Variants in TTBK1 observed in about 807,000 individuals in gnomAD.
TTBK1 encodes tau-tubulin kinase 1.
A neutral mutation model predicts 108.5 loss-of-function variants in TTBK1; 34 were observed. The ratio of observed to expected loss-of-function variants is 0.31; its 90% CI spans 0.24 to 0.42. The LOEUF is 0.42. TTBK1 is among the 10% of genes least tolerant of loss of function. The pLI, the probability that TTBK1 is intolerant of heterozygous loss-of-function variation, is 1.00. For synonymous variants in TTBK1, 809 were observed against 795.1 expected, an observed-to-expected ratio of 1.02 and a Z score of -0.29; for missense variants, 1,539 against 1,826.0, an observed-to-expected ratio of 0.84 and a Z score of 2.86.
chr6:43,265,534 C>A lies in TTBK1; in HGVS notation c.1986+2184C>A, dbSNP rs551010973. 1.3e-5 allele frequency among the ~76,000 whole-genome samples: 2 copies of A among 152,316 alleles called. No individual in the cohort carries two copies. Among genetic ancestry groups the A allele is most frequent in the East Asian group, 3.9e-4 (2 of 5,186 alleles). ...CTGGCAGACCTGGCAGTCAAGTGGGCTGGCACCATTGCGTTGTAACTAGCC... is the reference window on the plus strand; with the variant it reads ...CTGGCAGACCTGGCAGTCAAGTGGGATGGCACCATTGCGTTGTAACTAGCC... On this transcript the variant is annotated intron_variant, in intron 13 of 14. Coordinates refer to ENST00000259750, the MANE Select transcript of TTBK1 (RefSeq NM_032538.3). This position sits in a 1 kb window ranked among gnomAD's most constrained non-coding sequence, Gnocchi z 4.1.
Position 43,253,849 on chromosome 6 carries a change from C to A in TTBK1, c.471+141C>A. On this transcript the variant is annotated intron_variant, in intron 5 of 14. Transcript: ENST00000259750. The surrounding 1 kb of genome is among the most constrained non-coding windows in gnomAD (Gnocchi z 5.8). ...GCCTCTTCTCCCCAAGCCCCTCCTGCTCTCCTTCCCAGGCCCCATCTCTTC... is the reference window on the plus strand; with the variant it reads ...GCCTCTTCTCCCCAAGCCCCTCCTGATCTCCTTCCCAGGCCCCATCTCTTC... 1 of 1,140,906 alleles carries A rather than the reference C, an allele frequency of 8.8e-7. No individual in the cohort carries two copies. Among genetic ancestry groups the A allele is most frequent in the Non-Finnish European group, 1.2e-6 (1 of 829,682 alleles). The allele number at this position is 1,140,906 out of a possible 1,614,324, so 70.7% of individuals were successfully genotyped here.
At chr6:43,252,940 A>G (rs531470507) in intron 3 of TTBK1, 54 bp downstream of exon 3, 2 of 1,595,816 alleles carry the variant, frequency 1.3e-6, no homozygotes, top group South Asian at 1.1e-5. Flanking sequence ...GCCAGGGGCT[A>G]AGAGAGGTGA....
In TTBK1 at chr6:43,257,915, G is replaced by GGACCTCTACCCCGCCCCAGCAGAA; in HGVS notation, c.965_966insGACCTCTACCCCGCCCCAGCAGAA (p.Ser322delinsArgThrSerThrProProGlnGlnAsn). On this transcript the variant is annotated protein_altering_variant, in exon 10 of 15. Transcript: ENST00000259750. The surrounding 1 kb of genome is among the most constrained non-coding windows in gnomAD (Gnocchi z 4.5). ...GGCACCGATGCCCTCCTGTCCACGA[G>GGACCTCTACCCCGCCCCAGCAGAA]CACCTCTACCCCGCCCCAGCAGAAC... 6.2e-7 allele frequency: 1 copy of GGACCTCTACCCCGCCCCAGCAGAA among 1,613,964 alleles called. No individual in the cohort carries two copies. Among genetic ancestry groups the GGACCTCTACCCCGCCCCAGCAGAA allele is most frequent in the Non-Finnish European group, 8.5e-7 (1 of 1,180,010 alleles).
chr6:43,249,625 C>CGAGT (rs1366630631), intron 2 of TTBK1, among the ~76,000 whole-genome samples: 2 of 151,586 alleles, frequency 1.3e-5, no homozygotes, highest in Non-Finnish European at 2.9e-5. Context: ...CGCCCAGGCT[C>CGAGT]GAGTGCAGTG....
chr6:43,266,305 T>C (rs753759778), intron 13 of TTBK1, among the ~76,000 whole-genome samples: 2 of 152,234 alleles, frequency 1.3e-5, no homozygotes, highest in Admixed American at 6.5e-5. Context: ...TCTGCAAGTG[T>C]GTACAGAACC....
chr6:43,266,468 T>G (rs1777678317), intron 13 of TTBK1, among the ~76,000 whole-genome samples: 3 of 152,244 alleles, frequency 2.0e-5, no homozygotes. Flanking sequence ...ATCCTGATTT[T>G]AAAAGTAAGA....
chr6:43,282,999 GGAGGAA>G lies in TTBK1; in HGVS notation c.2271_2276del (p.Glu770_Glu771del), dbSNP rs746941763. 2.1e-5 allele frequency: 33 copies of G among 1,599,870 alleles called. No homozygotes were observed. Among genetic ancestry groups the G allele is most frequent in the South Asian group, 6.7e-5 (6 of 89,720 alleles). On this transcript the variant is annotated inframe_deletion, in exon 14 of 15. Transcript: ENST00000259750. The surrounding 1 kb of genome is among the most constrained non-coding windows in gnomAD (Gnocchi z 5.4). ...AAGAAGAGGATGAGGAAGAAGAAGA[GGAGGAA>G]GAGGAAGAGGAGGAGGAAGAAGAGG...
At chr6:43,271,743 A>G in intron 13 of TTBK1, 22 of 979,796 alleles carry the variant, frequency 2.2e-5, no homozygotes, top group Non-Finnish European at 2.5e-5. Context: ...CCTTTCCCCA[A>G]AATCTTTCTT....
rs570405930 is a variant in TTBK1, at chr6:43,270,169, T to G, written c.1986+6819T>G. 3 of 1,356,340 alleles carry G rather than the reference T, an allele frequency of 2.2e-6. No individual in the cohort carries two copies. The East Asian group carries it at 9.0e-5, about 41-fold the overall frequency. 84.0% of individuals were successfully genotyped at this position (1,356,340 alleles called of 1,614,324 possible). On this transcript the variant is annotated intron_variant, in intron 13 of 14. Transcript: ENST00000259750. ...CCTCCCCATCAGCTCCCTTTGTAGG[T>G]GCCAGCCAAATGGTGCAGGGAGGGG...
At chr6:43,260,942 A>AACAC (rs747858530) in intron 12 of TTBK1, among the ~76,000 whole-genome samples, 2 of 150,850 alleles carry the variant, frequency 1.3e-5, no homozygotes, top group Non-Finnish European at 3.0e-5. Flanking sequence ...CACACATGCA[A>AACAC]ACACACACAC....
Position 43,253,164 on chromosome 6 carries a change from C to A in TTBK1, c.257-127C>A. The A allele has an allele frequency of 1.8e-6, 2 of 1,094,916 alleles. No individual in the cohort carries two copies. Among genetic ancestry groups the A allele is most frequent in the East Asian group, 2.4e-5 (1 of 42,272 alleles). The allele number at this position is 1,094,916 out of a possible 1,614,324, so 67.8% of individuals were successfully genotyped here. ...GATGAGGCTAGGGCCAGGGAGGTGG[C>A]AAGACAGGTGCTCACAGGGCCAGCA... On this transcript the variant is annotated intron_variant, in intron 3 of 14. Transcript: ENST00000259750. The surrounding 1 kb of genome is among the most constrained non-coding windows in gnomAD (Gnocchi z 5.8).
At chr6:43,275,925 C>G (rs971608128) in intron 13 of TTBK1, among the ~76,000 whole-genome samples, 2 of 152,096 alleles carry the variant, frequency 1.3e-5, no homozygotes, top group African/African-American at 4.8e-5. Context: ...CCTCAGAGTT[C>G]TCAGTGTCGA....
Position 43,253,949 on chromosome 6 carries a change from C to T in TTBK1, c.471+241C>T, listed in dbSNP as rs183261013. ...GGCCAGGCCTCTCCTCTGTTCTTCC[C>T]TTCTGTTCCTTATCCCTTGCCCCTG... is the stretch of plus-strand genomic sequence containing the variant. On this transcript the variant is annotated intron_variant, in intron 5 of 14. Transcript: ENST00000259750. The surrounding 1 kb of genome is among the most constrained non-coding windows in gnomAD (Gnocchi z 5.8). Among the ~76,000 whole-genome samples, 325 of 152,324 alleles carry T rather than the reference C, an allele frequency of 2.1e-3. 1 individual carries two copies. The highest frequency in any genetic ancestry group is 7.6e-3 in the African/African-American group (316 of 41,588).
chr6:43,245,026 GA>G (rs1777050507), intron 1 of TTBK1, among the ~76,000 whole-genome samples: 1 of 152,174 alleles, frequency 6.6e-6, no homozygotes. Context: ...TGAAGAAAGA[GA>G]AAAGGAGTGG....
At chr6:43,267,833 T>C (rs1191336521) in intron 13 of TTBK1, among the ~76,000 whole-genome samples, 1 of 152,178 alleles carries the variant, frequency 6.6e-6, no homozygotes, top group Non-Finnish European at 1.5e-5. Flanking sequence ...ACACAGACAC[T>C]GCCCGGCAGC....
chr6:43,272,338 G>T, intron 13 of TTBK1: 1 of 985,482 alleles, frequency 1.0e-6, no homozygotes, highest in Non-Finnish European at 1.2e-6. Context: ...AGATCCCAAA[G>T]TGCCTTGTGA....
At chr6:43,250,855 C>T (rs956314098) in intron 2 of TTBK1, among the ~76,000 whole-genome samples, 1 of 152,202 alleles carries the variant, frequency 6.6e-6, no homozygotes, top group Non-Finnish European at 1.5e-5. Flanking sequence ...TTCCTCTGTT[C>T]TCGCACAAGC....
At position 43,265,146 on chromosome 6, in the gene TTBK1, C is replaced by G. The variant is rs946242711; in HGVS notation, c.1986+1796C>G. Among the ~76,000 whole-genome samples the G allele has an allele frequency of 6.6e-6, 1 of 152,122 alleles. No homozygotes were observed. The highest frequency in any genetic ancestry group is 1.5e-5 in the Non-Finnish European group (1 of 68,020). ...GCTGGGGAGAGTCATGGAGGGGATG[C>G]CGGAAGGGGCTCAGGGGCTGTGCCG... On this transcript the variant is annotated intron_variant, in intron 13 of 14. Coordinates refer to ENST00000259750, the MANE Select transcript of TTBK1 (RefSeq NM_032538.3). This position sits in a 1 kb window ranked among gnomAD's most constrained non-coding sequence, Gnocchi z 4.1.
At chr6:43,272,728 GC>G (rs1167958185) in intron 13 of TTBK1, 1 of 970,534 alleles carries the variant, frequency 1.0e-6, no homozygotes, top group Non-Finnish European at 1.2e-6. Context: ...GTGAAGCTCG[GC>G]AGAGCTTCAC....
Sources: allele counts gnomAD v4.1 joint callset (sites outside exome capture counted in the v4.1 genomes callset), GRCh38; gene constraint gnomAD v4.1.1; non-coding constraint Gnocchi (gnomAD v3.1); transcripts MANE v1.5; gene names NCBI Gene and HGNC (gene_info 2026-07-23, HGNC 2026-07-21).